RRAS2: variants seen among roughly 807,000 people sequenced by gnomAD.
RRAS2 encodes the protein RAS related 2, also known as ras-related protein R-Ras2.
Under a neutral mutation model 27.6 loss-of-function variants are expected in RRAS2, and 7 were observed. The ratio of observed to expected loss-of-function variants is 0.25; its 90% CI spans 0.14 to 0.48. The LOEUF (loss-of-function observed/expected upper bound fraction) is 0.48. RRAS2 is among the 20% of genes least tolerant of loss of function. The pLI, the probability that RRAS2 is intolerant of heterozygous loss-of-function variation, is 0.99. For synonymous variants in RRAS2, 86 were observed against 90.9 expected (o/e 0.95, Z 0.31); for missense variants, 178 against 256.2 (o/e 0.69, Z 2.08).
intron 4 of RRAS2, among the ~76,000 whole-genome samples, chr11:14,290,465 TA>T (rs1849781918): frequency 6.6e-6 from 1 of 151,930 alleles, no homozygotes; most frequent in Non-Finnish European, 1.5e-5. Flanking sequence ...AAAAAAAAGG[TA>T]AAAACCTCTA....
intron 4 of RRAS2, among the ~76,000 whole-genome samples, chr11:14,286,848 C>T (rs781919280): frequency 1.3e-5 from 2 of 152,132 alleles, no homozygotes; most frequent in East Asian, 1.9e-4. Context: ...TCAAGTTACC[C>T]GAACAATTAA....
At chr11:14,353,649 CAG>C (rs1344549285) in intron 1 of RRAS2, among the ~76,000 whole-genome samples, 1 of 148,452 alleles carries the variant, frequency 6.7e-6, no homozygotes, top group Non-Finnish European at 1.5e-5. Flanking sequence ...TATCCCAAAA[CAG>C]GGGTACGCAT....
chr11:14,296,357 T>C (rs1591450730), intron 1 of RRAS2, among the ~76,000 whole-genome samples: 1 of 152,326 alleles, frequency 6.6e-6, no homozygotes, highest in Non-Finnish European at 1.5e-5. Flanking sequence ...AATGTTCTTA[T>C]GAGCACCTTC....
rs915992598 is a variant in RRAS2 at position 14,358,388 on chromosome 11, G to C, written c.108+375C>G. On this transcript the variant is annotated intron_variant, in intron 1 of 5. Coordinates refer to ENST00000256196, the MANE Select transcript of RRAS2 (RefSeq NM_012250.6). This position sits in a 1 kb window ranked among gnomAD's most constrained non-coding sequence, Gnocchi z 5.1. The stretch of plus-strand genomic sequence containing the variant: ...AGGCGGCTGGAAAAGCAGCGCGCGG[G>C]GCTCCAGCTCCAGCCCCACGCCCGG... The C allele has an allele frequency of 8.1e-6, 8 of 985,362 alleles. No homozygotes were observed. The highest frequency in any genetic ancestry group is 1.2e-4 in the Admixed American group (2 of 16,270). 61.0% of individuals were successfully genotyped at this position (985,362 alleles called of 1,614,324 possible). A position where few individuals can be genotyped will look rare whatever the true frequency, so the allele number is the denominator to read the frequency against.
intron 1 of RRAS2, among the ~76,000 whole-genome samples, chr11:14,347,423 G>A (rs1394312790): frequency 6.6e-6 from 1 of 152,154 alleles, no homozygotes; most frequent in Non-Finnish European, 1.5e-5. Flanking sequence ...TGTACGAAAG[G>A]AGTGGGTAGA....
At chr11:14,329,066 C>T (rs1591476376) in intron 1 of RRAS2, among the ~76,000 whole-genome samples, 1 of 71,118 alleles carries the variant, frequency 1.4e-5, no homozygotes, top group Non-Finnish European at 3.1e-5. Context: ...CACACATATA[C>T]ATACACACAC....
chr11:14,299,066 A>T (rs1847629353), intron 1 of RRAS2, among the ~76,000 whole-genome samples: 1 of 152,254 alleles, frequency 6.6e-6, no homozygotes, highest in Non-Finnish European at 1.5e-5. Flanking sequence ...TAAAACAGAG[A>T]CAGGAACAAA....
At chr11:14,305,196 A>C (rs1246419319) in intron 1 of RRAS2, among the ~76,000 whole-genome samples, 1 of 152,196 alleles carries the variant, frequency 6.6e-6, no homozygotes, top group African/African-American at 2.4e-5. Flanking sequence ...TATAGTATTT[A>C]GTTGCAAATG....
At chr11:14,306,580 C>A (rs1554948097) in intron 1 of RRAS2, among the ~76,000 whole-genome samples, 2 of 152,158 alleles carry the variant, frequency 1.3e-5, no homozygotes, top group East Asian at 3.9e-4. Flanking sequence ...CCACCAACAA[C>A]TCTCCACAAT....
In RRAS2 at chr11:14,320,830, T is replaced by C. The variant is rs536531551; in HGVS notation, c.109-24975A>G. Among the ~76,000 whole-genome samples the C allele has an allele frequency of 1.2e-4, 19 of 152,268 alleles. No homozygotes were observed. In the South Asian group the frequency reaches 3.9e-3, roughly 32 times the overall value. On this transcript the variant is annotated intron_variant, in intron 1 of 5. Transcript: ENST00000256196. ...ATATAAAGTAGTATGCAGTAAAATG[T>C]GGGAAAACTATAAAAATGTTAATTT...
chr11:14,293,118 A>ATATAT (rs1847448935), intron 4 of RRAS2, among the ~76,000 whole-genome samples: 1 of 65,072 alleles, frequency 1.5e-5, no homozygotes, highest in African/African-American at 6.1e-5. Context: ...AAAACAAAAC[A>ATATAT]AAACAAATAT....
rs917542598 is a variant in RRAS2 at position 14,302,174 on chromosome 11, A to G, written c.109-6319T>C. Among the ~76,000 whole-genome samples the G allele has an allele frequency of 5.3e-5, 8 of 151,108 alleles. No homozygotes were observed. The East Asian group carries it at 1.4e-3, about 26-fold the overall frequency. On this transcript the variant is annotated intron_variant, in intron 1 of 5. Transcript: ENST00000256196. ...TCCTTCTTGAGCTCCTGCTCAGCTC[A>G]CCCCTTACCCCCACACTACACACAG...
intron 1 of RRAS2, among the ~76,000 whole-genome samples, chr11:14,308,963 C>A: frequency 6.6e-6 from 1 of 152,170 alleles, no homozygotes; most frequent in Non-Finnish European, 1.5e-5. Flanking sequence ...CTTGAAAGGG[C>A]TATTGTGAAG....
At chr11:14,325,500 C>T (rs1244747248) in intron 1 of RRAS2, among the ~76,000 whole-genome samples, 2 of 152,168 alleles carry the variant, frequency 1.3e-5, no homozygotes, top group South Asian at 2.1e-4. Flanking sequence ...GGGGTTTCAC[C>T]TTGTTAGCCA....
chr11:14,331,858 G>A (rs762155161), intron 1 of RRAS2, among the ~76,000 whole-genome samples: 6 of 152,144 alleles, frequency 3.9e-5, no homozygotes, highest in East Asian at 1.9e-4. Flanking sequence ...GTAACACAAA[G>A]CAATCCAATT....
rs199604559 is a variant in RRAS2 at position 14,307,210 on chromosome 11, C to CA, written c.109-11356dup. On this transcript the variant is annotated intron_variant, in intron 1 of 5. Coordinates refer to ENST00000256196, the MANE Select transcript of RRAS2 (RefSeq NM_012250.6). ...GCCCCCTCCCCCAAACCAAAAAAAA[C>CA]AAAAAAAAACAAAAAACAACAACAA... Among the ~76,000 whole-genome samples, 1,108 of 114,638 alleles carry CA rather than the reference C, an allele frequency of 9.7e-3. 13 individuals carry two copies. The highest frequency in any genetic ancestry group is 0.029 in the African/African-American group (899 of 30,610). The allele number at this position is 114,638 out of a possible 152,430, so 75.2% of individuals were successfully genotyped here.
chr11:14,351,772 G>A (rs533570100), intron 1 of RRAS2, among the ~76,000 whole-genome samples: 41 of 151,492 alleles, frequency 2.7e-4, no homozygotes, highest in Admixed American at 1.9e-3. Context: ...GTGGGCGCCT[G>A]TAATCTCAGC....
chr11:14,338,617 A>C (rs1848635756), intron 1 of RRAS2, among the ~76,000 whole-genome samples: 1 of 152,178 alleles, frequency 6.6e-6, no homozygotes, highest in South Asian at 2.1e-4. Flanking sequence ...AAAGTTTCAG[A>C]TTTTGGAGTA....
chr11:14,333,859 C>T (rs1022554644), intron 1 of RRAS2, among the ~76,000 whole-genome samples: 6 of 152,080 alleles, frequency 3.9e-5, no homozygotes, highest in Non-Finnish European at 7.4e-5. Context: ...GGTCTTGAAC[C>T]CCTGGACTCA....
Sources: gnomAD v4.1 joint callset for allele counts (sites outside exome capture counted in the v4.1 genomes callset) on GRCh38, gnomAD v4.1.1 for gene constraint, Gnocchi (gnomAD v3.1) non-coding constraint, MANE v1.5 for transcripts, NCBI Gene and HGNC (gene_info 2026-07-23, HGNC 2026-07-21) for gene names.